The following DOCK1 variants were observed in gnomAD, a reference collection of about 807,000 sequenced individuals.
The protein encoded by DOCK1 is dedicator of cytokinesis protein 1.
In DOCK1, 138 loss-of-function variants were observed where a neutral mutation model predicts 262.7. The observed-to-expected ratio is 0.53, with a 90% CI of 0.46 to 0.61. DOCK1 has a LOEUF of 0.61. Among genes scored for constraint, DOCK1 ranks in the 20% least tolerant of loss-of-function variants. The probability of loss-of-function intolerance (pLI) is 0.00; values close to 1 mark genes in which losing one functional copy is unlikely to be tolerated. For synonymous variants in DOCK1, 866 were observed against 867.4 expected (o/e 1.00, Z 0.03); for missense variants, 1,908 against 2,370.7 (o/e 0.80, Z 4.05).
At chr10:127,160,253 G>C (rs1206556331) in intron 27 of DOCK1, among the ~76,000 whole-genome samples, 4 of 152,140 alleles carry the variant, frequency 2.6e-5, no homozygotes, top group Non-Finnish European at 5.9e-5. Context: ...GTACCTAATA[G>C]TAATTACAGT....
chr10:127,347,830 C>G (rs542314238), intron 31 of DOCK1, among the ~76,000 whole-genome samples: 1 of 107,220 alleles, frequency 9.3e-6, no homozygotes, highest in South Asian at 3.2e-4. Flanking sequence ...CCCAACCCCT[C>G]AGCCTTCCCT....
chr10:127,097,817 G>A (rs1217003153), intron 23 of DOCK1, among the ~76,000 whole-genome samples: 2 of 152,234 alleles, frequency 1.3e-5, no homozygotes, highest in East Asian at 3.8e-4. Flanking sequence ...AGTAAAGAAA[G>A]CTAAAATCAG....
At chr10:126,971,204 C>T (rs756055057) in intron 2 of DOCK1, among the ~76,000 whole-genome samples, 9 of 151,934 alleles carry the variant, frequency 5.9e-5, no homozygotes, top group Non-Finnish European at 1.2e-4. Context: ...GTGCCCGCCA[C>T]CATGCCTGGC....
intron 27 of DOCK1, among the ~76,000 whole-genome samples, chr10:127,195,753 AGCGACCCGGTC>A (rs2057081044): frequency 6.6e-6 from 1 of 152,070 alleles, no homozygotes; most frequent in Admixed American, 6.5e-5. Context: ...GACGCCCCTC[AGCGACCCGGTC>A]GCGCCAGATG....
At chr10:127,260,898 T>TG (rs1402730189) in intron 29 of DOCK1, among the ~76,000 whole-genome samples, 1 of 141,308 alleles carries the variant, frequency 7.1e-6, no homozygotes, top group East Asian at 2.2e-4. Context: ...CCCGTGCTCA[T>TG]CTGTGTACCT....
Position 127,086,617 on chromosome 10 carries a change from A to T in DOCK1, c.2446-19614A>T, listed in dbSNP as rs898326342. Among the ~76,000 whole-genome samples the T allele has an allele frequency of 1.2e-4, 18 of 152,040 alleles. No homozygotes were observed. In the East Asian group the frequency reaches 1.4e-3, roughly 11 times the overall value. ...ATGAATATGTATATAACAGTTAATT[A>T]AAAAAAACTGCTAATATTATTTAAA... On this transcript the variant is annotated intron_variant, in intron 23 of 51. Transcript: ENST00000623213.
At chr10:126,987,297 T>C (rs1202085816) in intron 4 of DOCK1, among the ~76,000 whole-genome samples, 1 of 152,210 alleles carries the variant, frequency 6.6e-6, no homozygotes, top group Non-Finnish European at 1.5e-5. Flanking sequence ...GGTGGATGGC[T>C]TACGTGCAGG....
At chr10:127,135,152 G>C (rs1045396452) in intron 27 of DOCK1, among the ~76,000 whole-genome samples, 1 of 152,164 alleles carries the variant, frequency 6.6e-6, no homozygotes, top group Non-Finnish European at 1.5e-5. Context: ...TATACCTCCT[G>C]CTATGAGCCT....
In DOCK1 at chr10:127,354,861, T is replaced by C. The variant is rs1306625428; in HGVS notation, c.3283+134T>C. 6.7e-6 allele frequency: 7 copies of C among 1,040,438 alleles called. No homozygotes were observed. In the African/African-American group the frequency reaches 1.1e-4, roughly 17 times the overall value. 64.5% of individuals were successfully genotyped at this position (1,040,438 alleles called of 1,614,324 possible). On this transcript the variant is annotated intron_variant, in intron 32 of 51. Transcript: ENST00000623213. ...GTTCCTTGGACAGCAGTTGCTACTC[T>C]TTGTAGTAACTGTTTTCAGGAATTA...
At chr10:127,079,145 C>T (rs2046748279) in intron 23 of DOCK1, among the ~76,000 whole-genome samples, 1 of 152,130 alleles carries the variant, frequency 6.6e-6, no homozygotes, top group Admixed American at 6.5e-5. Flanking sequence ...ATGTTTGCAC[C>T]AGATTAAAGA....
chr10:126,905,804 A>C (rs2030650020), intron 1 of DOCK1, among the ~76,000 whole-genome samples: 5 of 141,048 alleles, frequency 3.5e-5, no homozygotes, highest in Non-Finnish European at 4.7e-5. Context: ...TGGGGTGGGA[A>C]TGGGGGCGGG....
intron 29 of DOCK1, among the ~76,000 whole-genome samples, chr10:127,312,413 A>G (rs944392043): frequency 6.6e-6 from 1 of 152,096 alleles, no homozygotes; most frequent in Non-Finnish European, 1.5e-5. Flanking sequence ...CTGGGCTCCC[A>G]GGCCCTATGC....
At chr10:127,277,410 G>T (rs10741209) in intron 29 of DOCK1, among the ~76,000 whole-genome samples, 1 of 151,796 alleles carries the variant, frequency 6.6e-6, no homozygotes, top group Non-Finnish European at 1.5e-5. Context: ...CTTAAGATAG[G>T]TCTATAGATG....
intron 33 of DOCK1, among the ~76,000 whole-genome samples, chr10:127,367,981 T>C (rs939808387): frequency 2.0e-5 from 3 of 152,162 alleles, no homozygotes; most frequent in Admixed American, 2.0e-4. Context: ...GTGGCCACTG[T>C]CAGCCACCCC....
chr10:127,273,077 T>C (rs1352034798), intron 29 of DOCK1, among the ~76,000 whole-genome samples: 1 of 152,192 alleles, frequency 6.6e-6, no homozygotes, highest in African/African-American at 2.4e-5. Flanking sequence ...ACCTTTCCTC[T>C]TCTGTTCTGT....
At chr10:127,412,712 G>A (rs77254832) in intron 43 of DOCK1, among the ~76,000 whole-genome samples, 6,011 of 152,286 alleles carry the variant, frequency 0.039, 375 homozygotes, top group African/African-American at 0.13. Flanking sequence ...TCCCTCAGGG[G>A]TCTGCCAGTC....
chr10:126,993,172 G>A (rs113859292), intron 6 of DOCK1, among the ~76,000 whole-genome samples: 3,852 of 152,340 alleles, frequency 0.025, 159 homozygotes, highest in African/African-American at 0.087. Context: ...AGGTGATGAT[G>A]TGGCAGGACG....
At chr10:127,341,246 AATGT>A (rs1437338018) in intron 30 of DOCK1, among the ~76,000 whole-genome samples, 1 of 152,200 alleles carries the variant, frequency 6.6e-6, no homozygotes, top group Admixed American at 6.5e-5. Context: ...CATAATTATA[AATGT>A]ATGTGTGTAT....
Position 126,909,792 on chromosome 10 carries a change from C to G in DOCK1, c.46+4229C>G, listed in dbSNP as rs76346022. ...CGTTTAAGATATGCCAAGTACTCAACGAAGCGTTGCTTTTGTTAACTTTTT... is the reference window on the plus strand; with the variant it reads ...CGTTTAAGATATGCCAAGTACTCAAGGAAGCGTTGCTTTTGTTAACTTTTT... On this transcript the variant is annotated intron_variant, in intron 1 of 51. Coordinates refer to ENST00000623213, the MANE Select transcript of DOCK1 (RefSeq NM_001290223.2). Among the ~76,000 whole-genome samples, 375 of 152,318 alleles carry G rather than the reference C, an allele frequency of 2.5e-3. 6 individuals carry two copies. The East Asian group carries it at 0.058, about 24-fold the overall frequency.
Sources: gnomAD v4.1 joint callset for allele counts (sites outside exome capture counted in the v4.1 genomes callset) on GRCh38, gnomAD v4.1.1 for gene constraint, MANE v1.5 for transcripts, NCBI Gene and HGNC (gene_info 2026-07-23, HGNC 2026-07-21) for gene names.